Variants in UTRN observed in about 807,000 individuals in gnomAD.
The protein encoded by UTRN is utrophin, also known as dystrophin-related protein 1.
UTRN carries 283 observed loss-of-function variants against 463.9 expected under a neutral mutation model. That is an observed-to-expected ratio of 0.61 (90% CI 0.55 to 0.67). UTRN has a LOEUF of 0.67. Ranked by LOEUF, UTRN falls within the 30% of genes least tolerant of loss-of-function variation. UTRN has a pLI of 0.00. For missense variants in UTRN, 3,922 were observed against 4,084.3 expected, an observed-to-expected ratio of 0.96 and a Z score of 1.08; for synonymous variants, 1,442 against 1,431.5, an observed-to-expected ratio of 1.01 and a Z score of -0.17.
chr6:144,533,641 T>C (rs1797268624), intron 43 of UTRN, among the ~76,000 whole-genome samples: 1 of 152,110 alleles, frequency 6.6e-6, no homozygotes, highest in Non-Finnish European at 1.5e-5. Context: ...ACCTTAGTAA[T>C]ACGTCTCACT....
chr6:144,528,827 TAG>T (rs1796787132), intron 41 of UTRN, among the ~76,000 whole-genome samples: 1 of 152,206 alleles, frequency 6.6e-6, no homozygotes, highest in Non-Finnish European at 1.5e-5. Flanking sequence ...TGCAGTAGCA[TAG>T]AGAGGATTAG....
At chr6:144,728,926 C>G (rs1441119140) in intron 53 of UTRN, among the ~76,000 whole-genome samples, 1 of 152,168 alleles carries the variant, frequency 6.6e-6, no homozygotes, top group African/African-American at 2.4e-5. Context: ...CATCCCTCCC[C>G]ACCTGTGAGG....
chr6:144,326,888 T>C (rs1350483999), intron 2 of UTRN, among the ~76,000 whole-genome samples: 1 of 152,206 alleles, frequency 6.6e-6, no homozygotes. Context: ...GATGCACCTG[T>C]TCCTATGAGA....
At chr6:144,835,670 C>A in intron 69 of UTRN, 110 bp from the exon 70 acceptor site, 1 of 1,462,858 alleles carries the variant, frequency 6.8e-7, no homozygotes, top group Non-Finnish European at 9.2e-7. Flanking sequence ...AGCTCTAAGA[C>A]AAACTTGGCC....
intron 13 of UTRN, among the ~76,000 whole-genome samples, chr6:144,443,297 A>G (rs181204042): frequency 1.3e-5 from 2 of 152,308 alleles, no homozygotes. Context: ...ACTTGTATGC[A>G]GTAGTTAGTT....
At chr6:144,723,127 T>A (rs765739363) in intron 53 of UTRN, among the ~76,000 whole-genome samples, 7 of 152,196 alleles carry the variant, frequency 4.6e-5, no homozygotes, top group Non-Finnish European at 1.0e-4. Context: ...ATACCATCCA[T>A]GACAGTCAGA....
At chr6:144,679,367 A>G (rs1228361178) in intron 52 of UTRN, among the ~76,000 whole-genome samples, 1 of 152,126 alleles carries the variant, frequency 6.6e-6, no homozygotes, top group African/African-American at 2.4e-5. Flanking sequence ...GCTGAAAAAT[A>G]TGTTATTGAG....
At chr6:144,640,406 A>C (rs1777646280) in intron 51 of UTRN, among the ~76,000 whole-genome samples, 1 of 152,184 alleles carries the variant, frequency 6.6e-6, no homozygotes, top group Admixed American at 6.5e-5. Flanking sequence ...TATAATACCA[A>C]GGAACCCCAA....
intron 51 of UTRN, among the ~76,000 whole-genome samples, chr6:144,656,058 A>C (rs1779277628): frequency 6.7e-6 from 1 of 148,250 alleles, no homozygotes; most frequent in Admixed American, 6.7e-5. Flanking sequence ...TTCTCATGAA[A>C]CTCTATGTCT....
At chr6:144,437,544 T>C (rs772454583) in intron 10 of UTRN, 21 bp from the exon 11 acceptor site, 3 of 1,577,624 alleles carry the variant, frequency 1.9e-6, no homozygotes, top group East Asian at 2.3e-5. Context: ...GCTCACAAAT[T>C]ATAACAATGT....
At chr6:144,344,295 C>A in intron 2 of UTRN, 2 of 1,304,010 alleles carry the variant, frequency 1.5e-6, no homozygotes, top group Non-Finnish European at 2.0e-6. Context: ...GGCTTGCAAG[C>A]GATTACCAGG....
At chr6:144,303,171 C>A (rs753528414) in intron 2 of UTRN, among the ~76,000 whole-genome samples, 3 of 152,034 alleles carry the variant, frequency 2.0e-5, no homozygotes, top group Non-Finnish European at 4.4e-5. Flanking sequence ...AGGACTTGGA[C>A]CAGAGTGGTA....
intron 50 of UTRN, among the ~76,000 whole-genome samples, chr6:144,576,715 G>A (rs1801473892): frequency 6.6e-6 from 1 of 152,158 alleles, no homozygotes; most frequent in Admixed American, 6.5e-5. Flanking sequence ...GTCGCTGACT[G>A]TATGAATATT....
chr6:144,518,433 T>C lies in UTRN; in HGVS notation c.5541+1485T>C, dbSNP rs9496994. Among the ~76,000 whole-genome samples, 929 of 152,340 alleles carry C rather than the reference T, an allele frequency of 6.1e-3. 7 individuals are homozygous for C. The highest frequency in any genetic ancestry group is 0.022 in the African/African-American group (897 of 41,582). Reference sequence around the variant, plus strand: ...TTCCCATGTAGTACAGCTATGCTGGTTTTTCTTTACATTTTCCTAAACACA... The same window carrying C: ...TTCCCATGTAGTACAGCTATGCTGGCTTTTCTTTACATTTTCCTAAACACA... On this transcript the variant is annotated intron_variant, in intron 39 of 74. Coordinates refer to ENST00000367545, the MANE Select transcript of UTRN (RefSeq NM_007124.3).
rs752278978 is a variant in UTRN at position 144,473,706 on chromosome 6, T to C, written c.3067-14T>C. Reference sequence around the variant, plus strand: ...CACGAAGTAATATCCCCCTCTGTTATCATGTTCGATTAGGCCGATTCAACA... The same window carrying C: ...CACGAAGTAATATCCCCCTCTGTTACCATGTTCGATTAGGCCGATTCAACA... On this transcript the variant is annotated splice_polypyrimidine_tract_variant and intron_variant, in intron 23 of 74. Transcript: ENST00000367545. 2.8e-5 allele frequency: 45 copies of C among 1,609,812 alleles called. No individual in the cohort carries two copies. The East Asian group carries it at 6.7e-4, about 24-fold the overall frequency.
intron 50 of UTRN, among the ~76,000 whole-genome samples, chr6:144,559,109 A>AT (rs3061854): frequency 8.0e-4 from 116 of 144,488 alleles, no homozygotes; most frequent in South Asian, 1.5e-3. Flanking sequence ...TCTTCTTCTT[A>AT]TTTTTTTTTT....
intron 3 of UTRN, among the ~76,000 whole-genome samples, chr6:144,413,102 T>G (rs1784063330): frequency 6.6e-6 from 1 of 152,194 alleles, no homozygotes; most frequent in Non-Finnish European, 1.5e-5. Context: ...ATTTGCAAAT[T>G]CACCTTAACG....
intron 51 of UTRN, among the ~76,000 whole-genome samples, chr6:144,634,474 C>T (rs906816251): frequency 6.6e-6 from 1 of 152,088 alleles, no homozygotes. Context: ...GCAGCAATGG[C>T]TCAGGATTAG....
chr6:144,664,778 A>G (rs1444708673), intron 51 of UTRN, among the ~76,000 whole-genome samples: 1 of 151,856 alleles, frequency 6.6e-6, no homozygotes, highest in Non-Finnish European at 1.5e-5. Flanking sequence ...AATGACAATT[A>G]CTATCCCAGA....
Sources: gnomAD v4.1 joint callset for allele counts (sites outside exome capture counted in the v4.1 genomes callset) on GRCh38, gnomAD v4.1.1 for gene constraint, MANE v1.5 for transcripts, NCBI Gene and HGNC (gene_info 2026-07-23, HGNC 2026-07-21) for gene names.